Variants in FAM110B observed in about 807,000 individuals in gnomAD.
FAM110B encodes family with sequence similarity 110 member B.
In FAM110B, 6 loss-of-function variants were observed where a neutral mutation model predicts 20.4. That is an observed-to-expected ratio of 0.29 (90% confidence interval 0.16 to 0.58). The LOEUF is 0.58. FAM110B is among the 20% of genes least tolerant of loss of function. FAM110B has a pLI of 0.90. For synonymous variants in FAM110B, 226 were observed against 214.1 expected (o/e 1.06, Z -0.49); for missense variants, 434 against 498.2 (o/e 0.87, Z 1.23).
intron 1 of FAM110B, among the ~76,000 whole-genome samples, chr8:58,027,423 GT>G (rs11323713): frequency 0.19 from 28,040 of 147,436 alleles, 3,561 homozygotes; most frequent in African/African-American, 0.36. Context: ...GGAACACTGA[GT>G]TTTTTTTTTT....
At chr8:58,090,976 A>G (rs193033871) in intron 3 of FAM110B, among the ~76,000 whole-genome samples, 160 of 152,324 alleles carry the variant, frequency 1.1e-3, no homozygotes, top group African/African-American at 3.7e-3. Context: ...CACCCTTTTA[A>G]GCATTTACTT....
intron 3 of FAM110B, among the ~76,000 whole-genome samples, chr8:58,129,691 G>A (rs1803402810): frequency 6.6e-6 from 1 of 152,172 alleles, no homozygotes; most frequent in African/African-American, 2.4e-5. Context: ...GCGGCTACTA[G>A]AACAGGGAGG....
chr8:58,025,325 A>G (rs1225978471), intron 1 of FAM110B, among the ~76,000 whole-genome samples: 4 of 152,074 alleles, frequency 2.6e-5, no homozygotes, highest in Non-Finnish European at 5.9e-5. Flanking sequence ...GACTCACAGC[A>G]GGAGACAGGG....
At chr8:58,144,309 T>C (rs1803808854) in intron 3 of FAM110B, among the ~76,000 whole-genome samples, 1 of 152,230 alleles carries the variant, frequency 6.6e-6, no homozygotes, top group Non-Finnish European at 1.5e-5. Context: ...AGGATGAGAT[T>C]GTGCCTCCAG....
At chr8:58,117,334 A>G (rs1005560758) in intron 3 of FAM110B, among the ~76,000 whole-genome samples, 1 of 152,224 alleles carries the variant, frequency 6.6e-6, no homozygotes, top group Non-Finnish European at 1.5e-5. Context: ...GTATTCGAGA[A>G]AAGAGCCAGA....
intron 3 of FAM110B, among the ~76,000 whole-genome samples, chr8:58,102,897 C>G (rs944759417): frequency 6.8e-6 from 1 of 146,766 alleles, no homozygotes; most frequent in East Asian, 2.1e-4. Context: ...CTAGAAACTT[C>G]AAAGCCATGA....
At chr8:58,047,435 C>T (rs1045706408) in intron 2 of FAM110B, among the ~76,000 whole-genome samples, 2 of 152,048 alleles carry the variant, frequency 1.3e-5, no homozygotes, top group African/African-American at 4.8e-5. Flanking sequence ...TGGAAGCTGC[C>T]ATTTTTGTTT....
intron 2 of FAM110B, among the ~76,000 whole-genome samples, chr8:58,050,968 C>T (rs1343600611): frequency 2.0e-5 from 3 of 152,168 alleles, no homozygotes; most frequent in African/African-American, 7.2e-5. Flanking sequence ...TGCTGAAGAC[C>T]GTGCTCTAAG....
chr8:58,052,337 AG>A (rs1276798319), intron 2 of FAM110B, among the ~76,000 whole-genome samples: 1 of 152,214 alleles, frequency 6.6e-6, no homozygotes, highest in Non-Finnish European at 1.5e-5. Flanking sequence ...CAATGACAGT[AG>A]AAACAGATCA....
At chr8:58,136,827 C>T (rs1803631187) in intron 3 of FAM110B, among the ~76,000 whole-genome samples, 2 of 152,164 alleles carry the variant, frequency 1.3e-5, no homozygotes, top group Admixed American at 1.3e-4. Context: ...AAACTTCTAA[C>T]ATTTTTGTTA....
chr8:58,027,043 T>G (rs1342124653), intron 1 of FAM110B, among the ~76,000 whole-genome samples: 1 of 152,174 alleles, frequency 6.6e-6, no homozygotes, highest in African/African-American at 2.4e-5. Context: ...TCTTTCACAG[T>G]GTTTACCCAA....
chr8:58,098,489 G>A (rs904196638), intron 3 of FAM110B, among the ~76,000 whole-genome samples: 2 of 152,208 alleles, frequency 1.3e-5, no homozygotes, highest in Admixed American at 6.5e-5. Context: ...TTCCTTGGGG[G>A]TGGGATCCAT....
chr8:58,033,123 A>G (rs1028425837), intron 2 of FAM110B, among the ~76,000 whole-genome samples: 4 of 151,940 alleles, frequency 2.6e-5, no homozygotes, highest in Admixed American at 6.6e-5. Context: ...TGTGTACTCA[A>G]TGTTTAGCTC....
At chr8:58,088,535 A>G (rs745921666) in intron 3 of FAM110B, among the ~76,000 whole-genome samples, 7 of 152,238 alleles carry the variant, frequency 4.6e-5, no homozygotes, top group Non-Finnish European at 8.8e-5. Flanking sequence ...ATGGGATGCT[A>G]TGAATATGAA....
At chr8:58,128,216 A>C (rs574289151) in intron 3 of FAM110B, among the ~76,000 whole-genome samples, 5 of 152,246 alleles carry the variant, frequency 3.3e-5, no homozygotes, top group African/African-American at 1.2e-4. Flanking sequence ...GAATCACACA[A>C]ATGGAATTCT....
At chr8:58,075,262 CTTTTTTTT>C (rs67819278) in intron 2 of FAM110B, among the ~76,000 whole-genome samples, 2 of 125,010 alleles carry the variant, frequency 1.6e-5, no homozygotes, top group African/African-American at 6.8e-5. Context: ...CTAATTTTTG[CTTTTTTTT>C]TTTTTTGTGT....
intron 1 of FAM110B, among the ~76,000 whole-genome samples, chr8:58,012,011 G>C (rs561879238): frequency 1.2e-4 from 18 of 152,318 alleles, no homozygotes; most frequent in African/African-American, 3.9e-4. Flanking sequence ...TATTTTGGTA[G>C]AGATTTTGTG....
At chr8:58,106,076 C>G (rs1806905856) in intron 3 of FAM110B, 1 of 152,168 alleles carries the variant, frequency 6.6e-6, no homozygotes, top group Admixed American at 6.5e-5. Context: ...CACTACTTTT[C>G]ACTTTGCATG....
At chr8:58,005,347 A>G (rs1020033999) in intron 1 of FAM110B, among the ~76,000 whole-genome samples, 1 of 152,196 alleles carries the variant, frequency 6.6e-6, no homozygotes, top group Non-Finnish European at 1.5e-5. Context: ...CCAAACAATT[A>G]CAATGGTAAC....
Sources: allele counts gnomAD v4.1 joint callset (sites outside exome capture counted in the v4.1 genomes callset), GRCh38; gene constraint gnomAD v4.1.1; transcripts MANE v1.5; gene names NCBI Gene and HGNC (gene_info 2026-07-23, HGNC 2026-07-21).